Variants in ROBO2 observed in about 807,000 individuals in gnomAD.
The protein encoded by ROBO2 is roundabout homolog 2.
A neutral mutation model predicts 160.8 loss-of-function variants in ROBO2; 53 were observed. The ratio of observed to expected loss-of-function variants is 0.33; its 90% confidence interval spans 0.26 to 0.41. The LOEUF (loss-of-function observed/expected upper bound fraction) is 0.41. ROBO2 is among the 10% of genes least tolerant of loss of function. ROBO2 has a pLI of 1.00. For missense variants in ROBO2, 1,577 were observed against 1,722.4 expected (o/e 0.92, Z 1.49); for synonymous variants, 664 against 611.7 (o/e 1.09, Z -1.26).
intron 2 of ROBO2, among the ~76,000 whole-genome samples, chr3:77,440,554 A>G (rs1313642034): frequency 6.6e-6 from 1 of 152,180 alleles, no homozygotes; most frequent in African/African-American, 2.4e-5. Flanking sequence ...GGGTCATGAC[A>G]TGATAGATGG....
chr3:76,970,008 A>G (rs961815021), intron 2 of ROBO2, among the ~76,000 whole-genome samples: 7 of 152,202 alleles, frequency 4.6e-5, no homozygotes, highest in African/African-American at 1.7e-4. Context: ...TCAAAAGTTC[A>G]GAATGCAAAG....
At chr3:76,064,140 G>A (rs2068161589) in intron 2 of ROBO2, among the ~76,000 whole-genome samples, 1 of 152,132 alleles carries the variant, frequency 6.6e-6, no homozygotes, top group Admixed American at 6.6e-5. Flanking sequence ...CAGACTGGTC[G>A]ACACCTTGAT....
At chr3:76,526,551 T>G (rs1394228988) in intron 2 of ROBO2, among the ~76,000 whole-genome samples, 2 of 152,074 alleles carry the variant, frequency 1.3e-5, no homozygotes, top group African/African-American at 4.8e-5. Context: ...TGTCATTGGC[T>G]CTTGTCACTG....
chr3:76,648,586 G>C (rs188836038), intron 2 of ROBO2, among the ~76,000 whole-genome samples: 1 of 152,066 alleles, frequency 6.6e-6, no homozygotes, highest in East Asian at 1.9e-4. Context: ...ATAGGAAAAT[G>C]CTGCCATATT....
intron 2 of ROBO2, among the ~76,000 whole-genome samples, chr3:77,012,749 A>C (rs58319488): frequency 8.6e-4 from 131 of 152,314 alleles, no homozygotes; most frequent in African/African-American, 3.0e-3. Flanking sequence ...CCTGGCACAG[A>C]ACTACTGAAT....
chr3:76,736,107 C>A (rs2093707001), intron 2 of ROBO2, among the ~76,000 whole-genome samples: 1 of 151,290 alleles, frequency 6.6e-6, no homozygotes, highest in Non-Finnish European at 1.5e-5. Flanking sequence ...CACGGTGAAA[C>A]CCCGTCTCTA....
At chr3:76,656,616 C>CTTAGT (rs568237598) in intron 2 of ROBO2, among the ~76,000 whole-genome samples, 3 of 151,722 alleles carry the variant, frequency 2.0e-5, no homozygotes, top group South Asian at 4.2e-4. Flanking sequence ...GGTTCATTAC[C>CTTAGT]TTTGTTTTGT....
chr3:76,143,811 G>T (rs2071779047), intron 2 of ROBO2, among the ~76,000 whole-genome samples: 1 of 152,030 alleles, frequency 6.6e-6, no homozygotes, highest in African/African-American at 2.4e-5. Context: ...GACAACCTGG[G>T]GACCTAGGAG....
intron 2 of ROBO2, among the ~76,000 whole-genome samples, chr3:76,811,152 T>G (rs2108989075): frequency 6.6e-6 from 1 of 152,248 alleles, no homozygotes; most frequent in African/African-American, 2.4e-5. Context: ...AGACTATCTT[T>G]AGGTTAGCAG....
At chr3:76,373,205 C>G (rs1052239094) in intron 2 of ROBO2, among the ~76,000 whole-genome samples, 7 of 151,850 alleles carry the variant, frequency 4.6e-5, no homozygotes, top group African/African-American at 1.7e-4. Flanking sequence ...TACTAGAAAC[C>G]TGCATTATGG....
At chr3:77,085,811 A>G (rs927458535) in intron 1 of ROBO2, among the ~76,000 whole-genome samples, 1 of 152,116 alleles carries the variant, frequency 6.6e-6, no homozygotes, top group Non-Finnish European at 1.5e-5. Context: ...AGAAATTTCT[A>G]GGAAAAGTTA....
chr3:76,212,713 G>GT (rs1361116684), intron 2 of ROBO2, among the ~76,000 whole-genome samples: 1 of 152,014 alleles, frequency 6.6e-6, no homozygotes, highest in Non-Finnish European at 1.5e-5. Context: ...TTTCTGCTGC[G>GT]TAAGTTTTCC....
intron 2 of ROBO2, among the ~76,000 whole-genome samples, chr3:76,047,613 T>C (rs1330321726): frequency 6.6e-6 from 1 of 152,234 alleles, no homozygotes; most frequent in African/African-American, 2.4e-5. Context: ...GCCTCAGCGA[T>C]AATTATATTA....
chr3:76,228,817 C>T (rs62267448), intron 2 of ROBO2, among the ~76,000 whole-genome samples: 138,324 of 152,218 alleles, frequency 0.91, 63,083 homozygotes, highest in Middle Eastern at 0.98. Context: ...ATTTCATTTC[C>T]ATGAAATTGG....
intron 2 of ROBO2, among the ~76,000 whole-genome samples, chr3:76,830,166 GT>G (rs1191208207): frequency 1.3e-5 from 2 of 151,984 alleles, no homozygotes; most frequent in Non-Finnish European, 2.9e-5. Context: ...CAACTCAACT[GT>G]CCCCCCCTCC....
chr3:76,640,610 T>C (rs1327057679), intron 2 of ROBO2, among the ~76,000 whole-genome samples: 2 of 151,760 alleles, frequency 1.3e-5, no homozygotes, highest in Non-Finnish European at 2.9e-5. Context: ...TGTGTGTGTG[T>C]GTGTGTGTGT....
At chr3:76,352,215 T>C (rs889032425) in intron 2 of ROBO2, among the ~76,000 whole-genome samples, 3 of 151,940 alleles carry the variant, frequency 2.0e-5, no homozygotes, top group African/African-American at 7.2e-5. Context: ...ATTTATAGCC[T>C]GGCCAGTGTC....
chr3:77,216,822 A>T (rs1201498187), intron 2 of ROBO2, among the ~76,000 whole-genome samples: 1 of 152,170 alleles, frequency 6.6e-6, no homozygotes, highest in Admixed American at 6.5e-5. Flanking sequence ...TTTTGTTTTT[A>T]TTTAGAATGC....
At chr3:75,931,472 C>T (rs1436290917) in intron 1 of ROBO2, among the ~76,000 whole-genome samples, 1 of 152,070 alleles carries the variant, frequency 6.6e-6, no homozygotes, top group Non-Finnish European at 1.5e-5. Context: ...CTTCCTCAGC[C>T]TCCTGAGTAG....
Sources: allele counts gnomAD v4.1 joint callset (sites outside exome capture counted in the v4.1 genomes callset), GRCh38; gene constraint gnomAD v4.1.1; transcripts MANE v1.5; gene names NCBI Gene and HGNC (gene_info 2026-07-23, HGNC 2026-07-21).